The following EFNA5 variants were observed in gnomAD, a reference collection of about 807,000 sequenced individuals.
EFNA5 encodes the protein ephrin A5.
A neutral mutation model predicts 22.9 loss-of-function variants in EFNA5; 5 were observed. The observed-to-expected ratio is 0.22, with a 90% CI of 0.11 to 0.46. The LOEUF is 0.46. Ranked by LOEUF, EFNA5 falls within the 20% of genes least tolerant of loss-of-function variation. EFNA5 has a pLI of 0.99. For missense variants in EFNA5, 237 were observed against 293.3 expected (o/e 0.81, Z 1.40); for synonymous variants, 113 against 112.2 (o/e 1.01, Z -0.04).
intron 2 of EFNA5, among the ~76,000 whole-genome samples, chr5:107,394,373 A>G (rs1747864764): frequency 6.6e-6 from 1 of 152,232 alleles, no homozygotes; most frequent in Admixed American, 6.5e-5. Flanking sequence ...AGAAATAAGA[A>G]TATCATGTAA....
chr5:107,524,318 G>A (rs1011453937), intron 1 of EFNA5, among the ~76,000 whole-genome samples: 3 of 152,160 alleles, frequency 2.0e-5, no homozygotes, highest in Non-Finnish European at 4.4e-5. Context: ...AATGAGGGAG[G>A]GATATTAATA....
chr5:107,571,551 T>A (rs934851162), intron 1 of EFNA5, among the ~76,000 whole-genome samples: 15 of 151,760 alleles, frequency 9.9e-5, no homozygotes, highest in African/African-American at 3.6e-4. Flanking sequence ...TTTTTTTTTT[T>A]TAAAGAATAA....
intron 1 of EFNA5, among the ~76,000 whole-genome samples, chr5:107,572,994 C>G (rs1380717218): frequency 1.3e-5 from 2 of 152,168 alleles, no homozygotes; most frequent in Non-Finnish European, 2.9e-5. Context: ...TTAAGGAAAA[C>G]TGCCAAGACG....
At chr5:107,485,375 T>C (rs2112405915) in intron 1 of EFNA5, among the ~76,000 whole-genome samples, 1 of 152,340 alleles carries the variant, frequency 6.6e-6, no homozygotes, top group African/African-American at 2.4e-5. Context: ...CAGGCAGAAG[T>C]GGAAGCCAGC....
At chr5:107,461,488 G>A (rs1482523170) in intron 1 of EFNA5, among the ~76,000 whole-genome samples, 2 of 151,842 alleles carry the variant, frequency 1.3e-5, no homozygotes, top group Non-Finnish European at 2.9e-5. Flanking sequence ...AAATATAGAG[G>A]GGGGAAAAAA....
intron 1 of EFNA5, among the ~76,000 whole-genome samples, chr5:107,561,829 T>C (rs932590154): frequency 2.0e-5 from 3 of 152,244 alleles, no homozygotes; most frequent in Admixed American, 6.5e-5. Flanking sequence ...TTCTAGTTTA[T>C]AATTTTTATT....
At chr5:107,634,597 GC>G (rs1219011143) in intron 1 of EFNA5, among the ~76,000 whole-genome samples, 5 of 146,084 alleles carry the variant, frequency 3.4e-5, no homozygotes, top group Non-Finnish European at 7.7e-5. Context: ...TCCTACCAAC[GC>G]CCTGGGGAGT....
At chr5:107,394,362 G>A (rs1316901915) in intron 2 of EFNA5, among the ~76,000 whole-genome samples, 2 of 152,194 alleles carry the variant, frequency 1.3e-5, no homozygotes, top group African/African-American at 2.4e-5. Context: ...AGAGGCCTTG[G>A]AGAAATAAGA....
chr5:107,623,701 G>T (rs1355409664), intron 1 of EFNA5, among the ~76,000 whole-genome samples: 1 of 143,002 alleles, frequency 7.0e-6, no homozygotes. Flanking sequence ...AGAGGAGGGG[G>T]AGATTCAAAA....
At chr5:107,621,741 T>A (rs1371795550) in intron 1 of EFNA5, among the ~76,000 whole-genome samples, 1 of 152,018 alleles carries the variant, frequency 6.6e-6, no homozygotes, top group Non-Finnish European at 1.5e-5. Flanking sequence ...TCACCATCAC[T>A]ATTAAATAAT....
chr5:107,422,274 A>G (rs1429260658), intron 2 of EFNA5, among the ~76,000 whole-genome samples: 1 of 152,212 alleles, frequency 6.6e-6, no homozygotes, highest in Non-Finnish European at 1.5e-5. Flanking sequence ...CATGCTATAT[A>G]AATTCTAGTT....
chr5:107,582,808 C>T (rs1313876845), intron 1 of EFNA5, among the ~76,000 whole-genome samples: 1 of 151,456 alleles, frequency 6.6e-6, no homozygotes, highest in Admixed American at 6.6e-5. Context: ...TGTTCCTTTC[C>T]TCTTCTACTC....
intron 1 of EFNA5, among the ~76,000 whole-genome samples, chr5:107,449,829 T>C (rs1749508589): frequency 6.6e-6 from 1 of 152,214 alleles, no homozygotes; most frequent in Non-Finnish European, 1.5e-5. Context: ...ACTTTTCCTC[T>C]TCCAAAGTCT....
intron 1 of EFNA5, among the ~76,000 whole-genome samples, chr5:107,495,884 AGAGGTAGTTTCTGTAGTCAAAGGCAG>A (rs1171811563): frequency 1.3e-5 from 2 of 152,138 alleles, no homozygotes; most frequent in Non-Finnish European, 2.9e-5. Flanking sequence ...CCTATCAGGA[AGAGGTAGTTTCTGTAGTCAAAGGCAG>A]GAGGCAAGCT....
chr5:107,527,443 T>C (rs951872890), intron 1 of EFNA5, among the ~76,000 whole-genome samples: 4 of 151,938 alleles, frequency 2.6e-5, no homozygotes, highest in East Asian at 1.9e-4. Flanking sequence ...TATGCCACCA[T>C]GCCCAGCTAA....
intron 1 of EFNA5, among the ~76,000 whole-genome samples, chr5:107,642,805 T>C (rs979915405): frequency 6.6e-6 from 1 of 152,244 alleles, no homozygotes; most frequent in African/African-American, 2.4e-5. Flanking sequence ...TTAAGTCTTT[T>C]AGGGATCACT....
At chr5:107,491,059 T>C (rs1233265532) in intron 1 of EFNA5, among the ~76,000 whole-genome samples, 2 of 152,316 alleles carry the variant, frequency 1.3e-5, no homozygotes, top group South Asian at 2.1e-4. Context: ...CATTGTGATA[T>C]GAAGTGATTT....
chr5:107,494,656 C>T (rs1296015688), intron 1 of EFNA5, among the ~76,000 whole-genome samples: 2 of 152,244 alleles, frequency 1.3e-5, no homozygotes, highest in Admixed American at 1.3e-4. Context: ...GCCAGCTGGG[C>T]TCCTGAGTCT....
intron 1 of EFNA5, among the ~76,000 whole-genome samples, chr5:107,457,073 C>T (rs1027958973): frequency 7.2e-5 from 11 of 152,136 alleles, no homozygotes; most frequent in South Asian, 2.1e-4. Context: ...CACAGGCCCT[C>T]CAGTCAACCT....
Sources: gnomAD v4.1 joint callset for allele counts (sites outside exome capture counted in the v4.1 genomes callset) on GRCh38, gnomAD v4.1.1 for gene constraint, MANE v1.5 for transcripts, NCBI Gene and HGNC (gene_info 2026-07-23, HGNC 2026-07-21) for gene names.